Variants in SLIT3 observed in about 807,000 individuals in gnomAD.
The protein encoded by SLIT3 is slit homolog 3 protein.
A neutral mutation model predicts 184.0 loss-of-function variants in SLIT3; 68 were observed. That is an observed-to-expected ratio of 0.37 (90% confidence interval 0.30 to 0.45). The LOEUF is 0.45. SLIT3 is among the 20% of genes least tolerant of loss of function. The probability of loss-of-function intolerance (pLI) is 1.00; values close to 1 mark genes in which losing one functional copy is unlikely to be tolerated. For missense variants in SLIT3, 1,707 were observed against 2,026.0 expected (o/e 0.84, Z 3.02); for synonymous variants, 831 against 828.6 (o/e 1.00, Z -0.05).
At chr5:168,848,794 C>T (rs529911619) in intron 5 of SLIT3, among the ~76,000 whole-genome samples, 16 of 152,208 alleles carry the variant, frequency 1.1e-4, no homozygotes, top group South Asian at 4.2e-4. Context: ...TCTCCGCAAA[C>T]GGCAGACTGG....
intron 4 of SLIT3, among the ~76,000 whole-genome samples, chr5:168,913,021 T>A (rs1473357950): frequency 2.6e-5 from 4 of 152,194 alleles, no homozygotes; most frequent in Non-Finnish European, 4.4e-5. Flanking sequence ...GAAGTCCCCA[T>A]CAGCCTTGAA....
chr5:169,119,368 T>C (rs1016277854), intron 4 of SLIT3, among the ~76,000 whole-genome samples: 4 of 152,332 alleles, frequency 2.6e-5, no homozygotes, highest in South Asian at 4.1e-4. Flanking sequence ...GACTTCCATA[T>C]GCATAAAAGC....
chr5:169,257,239 T>C (rs1351919113), intron 1 of SLIT3, among the ~76,000 whole-genome samples: 2 of 152,074 alleles, frequency 1.3e-5, no homozygotes, highest in Admixed American at 6.5e-5. Context: ...TTACACTGTC[T>C]TCTCTCATCT....
intron 23 of SLIT3, among the ~76,000 whole-genome samples, chr5:168,716,473 C>T (rs1289871988): frequency 6.6e-6 from 1 of 152,196 alleles, no homozygotes; most frequent in East Asian, 1.9e-4. Flanking sequence ...AGCACTCAGT[C>T]ACATTAGCTA....
At chr5:169,205,986 C>T (rs1432120329) in intron 3 of SLIT3, among the ~76,000 whole-genome samples, 1 of 152,190 alleles carries the variant, frequency 6.6e-6, no homozygotes, top group African/African-American at 2.4e-5. Flanking sequence ...TCAGGGCAAG[C>T]ATTCTTACAC....
At chr5:168,986,394 A>T (rs1755131552) in intron 4 of SLIT3, among the ~76,000 whole-genome samples, 1 of 152,184 alleles carries the variant, frequency 6.6e-6, no homozygotes, top group African/African-American at 2.4e-5. Context: ...CGCCCTTCTT[A>T]CATGGCCTCC....
chr5:169,032,187 T>A (rs951967813), intron 4 of SLIT3, among the ~76,000 whole-genome samples: 1 of 152,172 alleles, frequency 6.6e-6, no homozygotes, highest in African/African-American at 2.4e-5. Context: ...GAAGGTACTA[T>A]GAAAATACAG....
intron 4 of SLIT3, among the ~76,000 whole-genome samples, chr5:169,135,853 G>T (rs1042303062): frequency 1.3e-5 from 2 of 152,166 alleles, no homozygotes; most frequent in African/African-American, 4.8e-5. Context: ...AAGTAGGATA[G>T]AATCACTTTG....
At chr5:168,928,279 G>A (rs905673634) in intron 4 of SLIT3, among the ~76,000 whole-genome samples, 1 of 152,138 alleles carries the variant, frequency 6.6e-6, no homozygotes, top group African/African-American at 2.4e-5. Context: ...GGAAATACCA[G>A]TAAAAATAAA....
intron 4 of SLIT3, among the ~76,000 whole-genome samples, chr5:168,898,212 A>G (rs144734059): frequency 6.6e-6 from 1 of 152,280 alleles, no homozygotes; most frequent in East Asian, 1.9e-4. Flanking sequence ...GTGCTTTATT[A>G]ATATAAATAT....
In SLIT3 at chr5:168,802,221, T is replaced by C. The variant is rs1756791185; in HGVS notation, c.935+4225A>G. Among the ~76,000 whole-genome samples, 3 of 151,870 alleles carry C rather than the reference T, an allele frequency of 2.0e-5. No homozygotes were observed. The South Asian group carries it at 6.3e-4, about 32-fold the overall frequency. On this transcript the variant is annotated intron_variant, in intron 9 of 35. Transcript: ENST00000519560. ...TAACTCCTATTCATCCTGGGGTGCA[T>C]CCTGCTGTTTCAACTCTCTGCTCCC...
At chr5:168,794,771 C>A (rs2113601456) in intron 10 of SLIT3, among the ~76,000 whole-genome samples, 1 of 152,286 alleles carries the variant, frequency 6.6e-6, no homozygotes, top group South Asian at 2.1e-4. Context: ...CCACTCTTTG[C>A]TATTCCACAA....
intron 4 of SLIT3, among the ~76,000 whole-genome samples, chr5:169,067,687 T>C (rs1758407874): frequency 1.3e-5 from 2 of 152,116 alleles, no homozygotes; most frequent in Admixed American, 1.3e-4. Context: ...GGGTTAAAAT[T>C]TGAGACATCA....
intron 4 of SLIT3, among the ~76,000 whole-genome samples, chr5:168,986,420 C>T (rs748218079): frequency 4.6e-5 from 7 of 152,128 alleles, no homozygotes; most frequent in Non-Finnish European, 1.0e-4. Context: ...CCTCCTCTCC[C>T]TTTGGGTACC....
At chr5:169,188,067 C>T (rs998275464) in intron 4 of SLIT3, among the ~76,000 whole-genome samples, 8 of 152,270 alleles carry the variant, frequency 5.3e-5, no homozygotes, top group African/African-American at 9.6e-5. Context: ...AAGCGATCCC[C>T]GCACCTCAGC....
intron 8 of SLIT3, among the ~76,000 whole-genome samples, chr5:168,814,737 G>A (rs1757276451): frequency 6.6e-6 from 1 of 152,218 alleles, no homozygotes; most frequent in East Asian, 1.9e-4. Flanking sequence ...AGTATTCGCA[G>A]TTTTTGCAAT....
intron 35 of SLIT3, chr5:168,666,915 A>G (rs1761075247): frequency 4.3e-6 from 3 of 690,026 alleles, no homozygotes; most frequent in Non-Finnish European, 7.6e-6. Flanking sequence ...GTGAGGATAT[A>G]ATGATGACAA....
intron 3 of SLIT3, among the ~76,000 whole-genome samples, chr5:169,198,160 G>C (rs530018825): frequency 6.6e-6 from 1 of 152,280 alleles, no homozygotes; most frequent in Admixed American, 6.5e-5. Context: ...ATACAAAAAT[G>C]AATAAGATAC....
intron 4 of SLIT3, among the ~76,000 whole-genome samples, chr5:169,046,904 T>C (rs1278670611): frequency 6.6e-6 from 1 of 152,196 alleles, no homozygotes; most frequent in African/African-American, 2.4e-5. Flanking sequence ...GCTGGGTGCC[T>C]GTATCAGACT....
Sources: gnomAD v4.1 joint callset for allele counts (sites outside exome capture counted in the v4.1 genomes callset) on GRCh38, gnomAD v4.1.1 for gene constraint, MANE v1.5 for transcripts, NCBI Gene and HGNC (gene_info 2026-07-23, HGNC 2026-07-21) for gene names.